The following LNPEP variants were observed in gnomAD, a reference collection of about 807,000 sequenced individuals.
LNPEP encodes the protein leucyl-cystinyl aminopeptidase.
Under a neutral mutation model 120.6 loss-of-function variants are expected in LNPEP, and 64 were observed. That is an observed-to-expected ratio of 0.53 (90% CI 0.43 to 0.65). LNPEP has a LOEUF of 0.65. LNPEP is among the 30% of genes least tolerant of loss of function. The probability of loss-of-function intolerance (pLI) is 0.00; values close to 1 mark genes in which losing one functional copy is unlikely to be tolerated. For missense variants in LNPEP, 1,057 were observed against 1,200.0 expected, an observed-to-expected ratio of 0.88 and a Z score of 1.76; for synonymous variants, 435 against 425.4, an observed-to-expected ratio of 1.02 and a Z score of -0.28.
rs141176055 is a variant in LNPEP, at chr5:97,016,005, G to A, written c.2376+910G>A. ...TGCCTCTGTTACTGCCTTACCCTGC[G>A]TCTCCTATGAACAGTTCTCTCATCA... On this transcript the variant is annotated intron_variant, in intron 13 of 17. Coordinates refer to ENST00000231368, the MANE Select transcript of LNPEP (RefSeq NM_005575.3). Among the ~76,000 whole-genome samples the A allele has an allele frequency of 1.1e-4, 17 of 151,992 alleles. No homozygotes were observed. The East Asian group carries it at 1.9e-3, about 17-fold the overall frequency.
intron 1 of LNPEP, chr5:96,936,824 CAA>C (rs3842058): frequency 0.4 from 60,910 of 151,608 alleles, 12,281 homozygotes; most frequent in Non-Finnish European, 0.43. Context: ...GTTTTTCAGT[CAA>C]AGACTTGTTA....
intron 6 of LNPEP, among the ~76,000 whole-genome samples, chr5:96,995,298 T>A (rs1315821999): frequency 6.6e-6 from 1 of 152,186 alleles, no homozygotes; most frequent in Non-Finnish European, 1.5e-5. Flanking sequence ...CTCAAAGGTG[T>A]TTTGTTTTAT....
chr5:97,017,215 A>T (rs1791087763), intron 13 of LNPEP, among the ~76,000 whole-genome samples: 1 of 152,126 alleles, frequency 6.6e-6, no homozygotes, highest in South Asian at 2.1e-4. Context: ...ACTTGAATTT[A>T]CATTTTTCTA....
chr5:96,985,436 G>A (rs1333857098), intron 3 of LNPEP, among the ~76,000 whole-genome samples: 1 of 152,186 alleles, frequency 6.6e-6, no homozygotes, highest in African/African-American at 2.4e-5. Flanking sequence ...GCTGGACTTG[G>A]AATGTGTGGA....
At chr5:97,018,732 G>A (rs1791121355) in intron 13 of LNPEP, among the ~76,000 whole-genome samples, 1 of 152,172 alleles carries the variant, frequency 6.6e-6, no homozygotes, top group Non-Finnish European at 1.5e-5. Flanking sequence ...ATGTATTACT[G>A]TCTAAGACTG....
At chr5:97,005,399 T>G (rs1582021488) in intron 9 of LNPEP, among the ~76,000 whole-genome samples, 1 of 152,236 alleles carries the variant, frequency 6.6e-6, no homozygotes, top group South Asian at 2.1e-4. Context: ...TTAGAGGGTC[T>G]GCAAAGCTCT....
chr5:97,020,757 G>T (rs994983657), intron 13 of LNPEP, among the ~76,000 whole-genome samples: 3 of 152,096 alleles, frequency 2.0e-5, no homozygotes, highest in Admixed American at 1.3e-4. Context: ...AGCTGAGATC[G>T]CACCACTGCA....
rs1171636078 is a variant in LNPEP at position 97,006,245 on chromosome 5, CT to C, written c.1946+15del. The C allele has an allele frequency of 6.3e-7, 1 of 1,587,506 alleles. No homozygotes were observed. Among genetic ancestry groups the C allele is most frequent in the African/African-American group, 1.4e-5 (1 of 73,380 alleles). On this transcript the variant is annotated intron_variant, in intron 10 of 17. Coordinates refer to ENST00000231368, the MANE Select transcript of LNPEP (RefSeq NM_005575.3). ...CCTTCAGATACAAGGTACATGCCCTCTTTCTTTTCATGCCATCTCTTTTGCA... is the reference window on the plus strand; with the variant it reads ...CCTTCAGATACAAGGTACATGCCCTCTTCTTTTCATGCCATCTCTTTTGCA...
At chr5:96,986,744 T>C in intron 4 of LNPEP, 74 bp downstream of exon 4, 1 of 1,308,930 alleles carries the variant, frequency 7.6e-7, no homozygotes, top group East Asian at 2.4e-5. Context: ...TAACGATTCC[T>C]GGTATTTGCT....
In LNPEP at chr5:96,963,067, C is replaced by T. The variant is rs117857733; in HGVS notation, c.20-16071C>T. ...CTGAATACCAAGTGTTTCATTCTCT[C>T]CTTATGTTTCTGAGTTGAAATTTGA... On this transcript the variant is annotated intron_variant, in intron 1 of 17. Transcript: ENST00000231368. 9.2e-3 allele frequency among the ~76,000 whole-genome samples: 1,395 copies of T among 152,202 alleles called. 30 individuals are homozygous for T. The highest frequency in any genetic ancestry group is 0.067 in the East Asian group (347 of 5,182).
intron 1 of LNPEP, among the ~76,000 whole-genome samples, chr5:96,952,630 A>G (rs1413443956): frequency 6.6e-6 from 1 of 152,230 alleles, no homozygotes; most frequent in Non-Finnish European, 1.5e-5. Context: ...TGCGGATTCT[A>G]CCGTCATTTA....
intron 16 of LNPEP, 33 bp downstream of exon 16, chr5:97,026,790 A>G: frequency 6.3e-7 from 1 of 1,584,352 alleles, no homozygotes; most frequent in African/African-American, 1.4e-5. Context: ...AACTTTTAGT[A>G]TTCTCAAGTT....
chr5:96,986,388 C>T, intron 3 of LNPEP, 151 bp from the exon 4 acceptor site: 1 of 686,208 alleles, frequency 1.5e-6, no homozygotes, highest in Non-Finnish European at 2.4e-6. Flanking sequence ...AGACTAGGAG[C>T]CATGCTCTTT....
intron 2 of LNPEP, among the ~76,000 whole-genome samples, chr5:96,983,205 T>C (rs1278608750): frequency 1.3e-5 from 2 of 152,164 alleles, no homozygotes; most frequent in Non-Finnish European, 2.9e-5. Context: ...TTTCTCCTTA[T>C]CTTCTAGTAG....
At chr5:97,012,711 T>C (rs1463087417) in intron 11 of LNPEP, among the ~76,000 whole-genome samples, 1 of 152,198 alleles carries the variant, frequency 6.6e-6, no homozygotes, top group Non-Finnish European at 1.5e-5. Flanking sequence ...TTTAAGGATT[T>C]TAAAAATTCA....
At chr5:97,002,927 C>T (rs1413036100) in intron 8 of LNPEP, among the ~76,000 whole-genome samples, 1 of 152,070 alleles carries the variant, frequency 6.6e-6, no homozygotes, top group Non-Finnish European at 1.5e-5. Context: ...GGTTACTTCA[C>T]AACACAATAT....
intron 10 of LNPEP, 47 bp downstream of exon 10, chr5:97,006,280 T>A: frequency 1.3e-6 from 2 of 1,500,894 alleles, no homozygotes; most frequent in East Asian, 4.5e-5. Context: ...CACTCTCAGG[T>A]GGAAATATTT....
chr5:97,027,085 G>A (rs1489102071), intron 16 of LNPEP, among the ~76,000 whole-genome samples: 1 of 152,144 alleles, frequency 6.6e-6, no homozygotes, highest in Non-Finnish European at 1.5e-5. Context: ...CGGGCGCGGT[G>A]GCTCACACCT....
chr5:97,024,586 T>C lies in LNPEP; in HGVS notation c.2627T>C (p.Phe876Ser), dbSNP rs958059883. ...GCAAAAACTGACAAAGGCTGGTCAT[T>C]CCTTTTGGGCAAATACATTTCTATA... ...VGAKTDKGWS[F>S]LLGKYISIGS... Residue 876 changes from phenylalanine to serine, a missense_variant, in exon 15 of 18, where the codon TTC becomes TCC. Transcript: ENST00000231368. 1 of 1,613,992 alleles carries C rather than the reference T, an allele frequency of 6.2e-7. No individual in the cohort carries two copies. Among genetic ancestry groups the C allele is most frequent in the Non-Finnish European group, 8.5e-7 (1 of 1,179,948 alleles).
Sources: gnomAD v4.1 joint callset for allele counts (sites outside exome capture counted in the v4.1 genomes callset) on GRCh38, gnomAD v4.1.1 for gene constraint, MANE v1.5 for transcripts, NCBI Gene and HGNC (gene_info 2026-07-23, HGNC 2026-07-21) for gene names.